PLBD1: variants seen among roughly 807,000 people sequenced by gnomAD.
PLBD1 encodes the protein phospholipase B domain containing 1.
A neutral mutation model predicts 63.0 loss-of-function variants in PLBD1; 60 were observed. The ratio of observed to expected loss-of-function variants is 0.95; its 90% CI spans 0.77 to 1.18. PLBD1 has a LOEUF of 1.18. PLBD1 is among the 50% of genes most tolerant of loss of function. The pLI, the probability that PLBD1 is intolerant of heterozygous loss-of-function variation, is 0.00. For missense variants in PLBD1, 598 were observed against 677.9 expected, an observed-to-expected ratio of 0.88 and a Z score of 1.31; for synonymous variants, 262 against 248.0, an observed-to-expected ratio of 1.06 and a Z score of -0.53.
intron 1 of PLBD1, among the ~76,000 whole-genome samples, chr12:14,560,933 T>G (rs539512323): frequency 6.6e-6 from 1 of 152,132 alleles, no homozygotes; most frequent in East Asian, 1.9e-4. Context: ...CCCAGCTACC[T>G]GCTCCCATAC....
At position 14,542,203 on chromosome 12, in the gene PLBD1, C is replaced by T. The variant is rs753175122; in HGVS notation, c.419+5G>A. 1.9e-6 allele frequency: 3 copies of T among 1,586,698 alleles called. No individual in the cohort carries two copies. Among genetic ancestry groups the T allele is most frequent in the Non-Finnish European group, 1.7e-6 (2 of 1,155,116 alleles). ...CAATGAAAAGAGAAAAGCTATTATA[C>T]GTACTCCATAAAATCCTGCACTTTA... On this transcript the variant is annotated splice_donor_5th_base_variant and intron_variant, in intron 3 of 10. Coordinates refer to ENST00000240617, the MANE Select transcript of PLBD1 (RefSeq NM_024829.6).
chr12:14,564,016 G>T (rs928140721), intron 1 of PLBD1, among the ~76,000 whole-genome samples: 7 of 152,322 alleles, frequency 4.6e-5, no homozygotes, highest in African/African-American at 1.7e-4. Context: ...CCTGTGGGAG[G>T]ATCACTTGCG....
chr12:14,558,916 G>A (rs1165483144), intron 1 of PLBD1, among the ~76,000 whole-genome samples: 1 of 152,196 alleles, frequency 6.6e-6, no homozygotes, highest in Non-Finnish European at 1.5e-5. Context: ...TGAGAAAAAT[G>A]TCCTGCCAAC....
rs1213979368 is a variant in PLBD1 at position 14,503,892 on chromosome 12, T to C, written c.1542A>G (p.Gln514=). The C allele has an allele frequency of 1.2e-6, 2 of 1,613,888 alleles. No individual in the cohort carries two copies. The highest frequency in any genetic ancestry group is 8.5e-7 in the Non-Finnish European group (1 of 1,179,918). The change falls in exon 11 of 11, where the codon CAA becomes CAG. Residue 514 remains glutamine (Q), a synonymous_variant. Transcript: ENST00000240617. ...CCCAGCGAAAAACAGGGAGGCCACC[T>C]TGTACTGTGGGACCACTTATGGCAT... is the stretch of plus-strand genomic sequence containing the variant. The part of the protein sequence containing the change: ...TSYAISGPTV[Q]GGLPVFRWDR...
intron 1 of PLBD1, among the ~76,000 whole-genome samples, chr12:14,560,105 C>T (rs1334060710): frequency 6.6e-6 from 1 of 152,190 alleles, no homozygotes; most frequent in African/African-American, 2.4e-5. Context: ...GGTGATTTGC[C>T]TGCCTTGGCC....
chr12:14,547,201 TG>T (rs2136927930), intron 2 of PLBD1, among the ~76,000 whole-genome samples: 1 of 151,588 alleles, frequency 6.6e-6, no homozygotes. Flanking sequence ...TGTGTGTGTG[TG>T]TGTGTGTGTG....
intron 6 of PLBD1, among the ~76,000 whole-genome samples, chr12:14,519,597 T>C (rs1002206764): frequency 2.8e-5 from 4 of 141,858 alleles, no homozygotes; most frequent in African/African-American, 1.1e-4. Flanking sequence ...CCAGCCTGGA[T>C]GACAGAGTGA....
intron 1 of PLBD1, among the ~76,000 whole-genome samples, 190 bp downstream of exon 1, chr12:14,567,392 C>G (rs1230987815): frequency 6.6e-6 from 1 of 152,226 alleles, no homozygotes; most frequent in East Asian, 1.9e-4. Flanking sequence ...CTCGCCATGC[C>G]CTTCTCAAGT....
chr12:14,533,626 G>A (rs1945485468), intron 6 of PLBD1, among the ~76,000 whole-genome samples: 1 of 152,186 alleles, frequency 6.6e-6, no homozygotes, highest in Admixed American at 6.5e-5. Context: ...ACAAAGATGA[G>A]GAAGAGGAAG....
chr12:14,532,986 C>T (rs1945478080), intron 6 of PLBD1: 1 of 152,206 alleles, frequency 6.6e-6, no homozygotes, highest in Admixed American at 6.5e-5. Context: ...CTTTGGTATA[C>T]TTTTGACCTT....
At chr12:14,526,073 G>A (rs1945413688) in intron 6 of PLBD1, among the ~76,000 whole-genome samples, 1 of 151,994 alleles carries the variant, frequency 6.6e-6, no homozygotes, top group African/African-American at 2.4e-5. Flanking sequence ...AAAAAGACAG[G>A]AAAGGAGGAA....
intron 6 of PLBD1, among the ~76,000 whole-genome samples, chr12:14,534,906 A>G (rs1945500455): frequency 6.6e-6 from 1 of 152,170 alleles, no homozygotes; most frequent in Non-Finnish European, 1.5e-5. Flanking sequence ...AGGCCCAGGA[A>G]TTTGCAGCCT....
chr12:14,522,568 T>C lies in PLBD1; in HGVS notation c.845-10857A>G, dbSNP rs1430645611. Among the ~76,000 whole-genome samples the C allele has an allele frequency of 4.6e-5, 7 of 152,062 alleles. No individual in the cohort carries two copies. In the South Asian group the frequency reaches 1.0e-3, roughly 23 times the overall value. ...TAAGGACACAACAAATAAATAAATCTATTGGCCAATATCCCTAATAAACCT... is the reference window on the plus strand; with the variant it reads ...TAAGGACACAACAAATAAATAAATCCATTGGCCAATATCCCTAATAAACCT... On this transcript the variant is annotated intron_variant, in intron 6 of 10. Coordinates refer to ENST00000240617, the MANE Select transcript of PLBD1 (RefSeq NM_024829.6).
chr12:14,559,648 CAT>C (rs754721399), intron 1 of PLBD1, among the ~76,000 whole-genome samples: 5 of 152,134 alleles, frequency 3.3e-5, no homozygotes, highest in Non-Finnish European at 7.4e-5. Flanking sequence ...AGAATTCAAA[CAT>C]TTTAACAGCA....
chr12:14,514,681 G>A (rs1945324476), intron 6 of PLBD1, among the ~76,000 whole-genome samples: 2 of 152,064 alleles, frequency 1.3e-5, no homozygotes, highest in African/African-American at 4.8e-5. Context: ...ACAAAGTTCT[G>A]ACACATTGCC....
At chr12:14,566,149 G>A (rs1042864842) in intron 1 of PLBD1, among the ~76,000 whole-genome samples, 4 of 152,150 alleles carry the variant, frequency 2.6e-5, no homozygotes, top group Non-Finnish European at 2.9e-5. Flanking sequence ...CCACTTTTGG[G>A]ACCCTCCCCA....
chr12:14,510,318 C>T (rs773432596), intron 8 of PLBD1, among the ~76,000 whole-genome samples: 8 of 151,816 alleles, frequency 5.3e-5, no homozygotes, highest in African/African-American at 1.9e-4. Flanking sequence ...CGCTTGAACC[C>T]GAAAGGCAGA....
At chr12:14,525,682 AAC>A (rs57722328) in intron 6 of PLBD1, among the ~76,000 whole-genome samples, 13,310 of 149,070 alleles carry the variant, frequency 0.089, 1,150 homozygotes, top group African/African-American at 0.23. Flanking sequence ...CTTACTTCTC[AAC>A]ACACACACAC....
At chr12:14,544,883 G>A (rs970119342) in intron 2 of PLBD1, among the ~76,000 whole-genome samples, 1 of 152,160 alleles carries the variant, frequency 6.6e-6, no homozygotes, top group Non-Finnish European at 1.5e-5. Context: ...CAAATTTAAA[G>A]TCTTTGTTAA....
Sources: allele counts gnomAD v4.1 joint callset (sites outside exome capture counted in the v4.1 genomes callset), GRCh38; gene constraint gnomAD v4.1.1; transcripts MANE v1.5; gene names NCBI Gene and HGNC (gene_info 2026-07-23, HGNC 2026-07-21).